Variants in DDX60 observed in about 807,000 individuals in gnomAD.
DDX60 encodes the protein probable ATP-dependent RNA helicase DDX60.
DDX60 carries 165 observed loss-of-function variants against 212.8 expected under a neutral mutation model. That is an observed-to-expected ratio of 0.78 (90% CI 0.68 to 0.88). The LOEUF is 0.88. Ranked by LOEUF, DDX60 falls within the 40% of genes least tolerant of loss-of-function variation. DDX60 has a pLI of 0.00. For missense variants in DDX60, 1,905 were observed against 2,003.9 expected (o/e 0.95, Z 0.94); for synonymous variants, 703 against 685.3 (o/e 1.03, Z -0.40).
In DDX60 at chr4:168,252,960, G is replaced by A. The variant is rs576726152; in HGVS notation, c.3558-304C>T. 1.2e-4 allele frequency among the ~76,000 whole-genome samples: 19 copies of A among 152,006 alleles called. 1 individual carries two copies. Among genetic ancestry groups the A allele is most frequent in the Admixed American group, 3.9e-4 (6 of 15,280 alleles). On this transcript the variant is annotated intron_variant, in intron 26 of 37. Coordinates refer to ENST00000393743, the MANE Select transcript of DDX60 (RefSeq NM_017631.6). Reference sequence around the variant, plus strand: ...GCTGGGATTACAGGTGTCCACCACCGCACCTGGCTAAATTTTGTATCTTCA... The same window carrying A: ...GCTGGGATTACAGGTGTCCACCACCACACCTGGCTAAATTTTGTATCTTCA...
At chr4:168,306,355 A>C in intron 5 of DDX60, 24 bp downstream of exon 5, 1 of 1,546,476 alleles carries the variant, frequency 6.5e-7, no homozygotes, top group Non-Finnish European at 8.7e-7. Flanking sequence ...TTCTAGAAGA[A>C]ATTGTCTTTT....
Position 168,252,502 on chromosome 4 carries a change from T to A in DDX60, c.3705+7A>T, listed in dbSNP as rs770400342. The A allele has an allele frequency of 6.2e-7, 1 of 1,613,288 alleles. No homozygotes were observed. On this transcript the variant is annotated splice_region_variant and intron_variant, in intron 27 of 37. Coordinates refer to ENST00000393743, the MANE Select transcript of DDX60 (RefSeq NM_017631.6). ...GTTTGGAGAACGATCAGGTTGTAAG[T>A]GCTGACCTCAGTGTCCACTGCTTTT...
chr4:168,254,152 A>G (rs775631239), intron 26 of DDX60, among the ~76,000 whole-genome samples: 10 of 152,184 alleles, frequency 6.6e-5, no homozygotes, highest in Non-Finnish European at 1.5e-4. Flanking sequence ...TACCTTGACA[A>G]ATATAGCTCC....
At chr4:168,270,748 G>A (rs916640642) in intron 19 of DDX60, among the ~76,000 whole-genome samples, 1 of 151,954 alleles carries the variant, frequency 6.6e-6, no homozygotes. Flanking sequence ...GCAAGGAAAA[G>A]GTAAGTTACA....
At chr4:168,225,706 G>A (rs201772389) in intron 33 of DDX60, 30 bp from the exon 34 acceptor site, 4 of 1,598,596 alleles carry the variant, frequency 2.5e-6, no homozygotes, top group African/African-American at 1.3e-5. Context: ...CATAGAGATA[G>A]ATCTATTTAC....
chr4:168,248,199 T>C lies in DDX60; in HGVS notation c.3952A>G (p.Asn1318Asp). 6.2e-7 allele frequency: 1 copy of C among 1,604,554 alleles called. No individual in the cohort carries two copies. Among genetic ancestry groups the C allele is most frequent in the Non-Finnish European group, 8.5e-7 (1 of 1,176,650 alleles). ...GCATTTTGCAATACCTGTCTATAAT[T>C]CAACGCATCCAGATAGACTGAGTTT... ...AQNSVYLDAL[N>D]YRQMSGRAGR... Residue 1318 changes from asparagine to aspartate, a missense_variant, in exon 29 of 38, where the codon AAT becomes GAT. Transcript: ENST00000393743.
intron 6 of DDX60, among the ~76,000 whole-genome samples, chr4:168,297,383 A>G (rs952082674): frequency 4.8e-5 from 2 of 41,836 alleles, no homozygotes; most frequent in Non-Finnish European, 8.2e-5. Context: ...AGAAAGAAAG[A>G]GAAAGAAAGA....
chr4:168,225,586 T>C lies in DDX60; in HGVS notation c.4624A>G (p.Ile1542Val), dbSNP rs1159303280. 1 of 1,611,658 alleles carries C rather than the reference T, an allele frequency of 6.2e-7. No individual in the cohort carries two copies. The highest frequency in any genetic ancestry group is 8.5e-7 in the Non-Finnish European group (1 of 1,178,844). The change falls in exon 34 of 38, where the codon ATT (isoleucine) becomes GTT (valine). Residue 1542 changes from isoleucine to valine, a missense_variant. Physicochemically the swap from Ile to Val is conservative, Grantham distance 29. Coordinates refer to ENST00000393743, the MANE Select transcript of DDX60 (RefSeq NM_017631.6). ...IMEDFTTFLR[I>V]VSKLADMNQE... ...TTCATATCAGCCAGTTTGGAAACAA[T>C]TCGTAGGAAAGTGGTAAAGTCCTCC...
chr4:168,234,528 TAC>T (rs1313765751), intron 33 of DDX60, among the ~76,000 whole-genome samples: 3 of 152,118 alleles, frequency 2.0e-5, no homozygotes, highest in Non-Finnish European at 4.4e-5. Flanking sequence ...TTTAGTTTTA[TAC>T]ATTCTAATTA....
intron 33 of DDX60, among the ~76,000 whole-genome samples, chr4:168,228,326 T>C (rs1173029475): frequency 1.3e-5 from 2 of 152,110 alleles, no homozygotes; most frequent in African/African-American, 2.4e-5. Flanking sequence ...TATTTTAAGA[T>C]ATAGCCTGAA....
chr4:168,308,186 A>T lies in DDX60; in HGVS notation c.84T>A (p.Ser28Arg), dbSNP rs956878004. The change falls in exon 4 of 38, where the codon AGT becomes AGA. Residue 28 changes from serine to arginine, a missense_variant. By Grantham distance (110) the Ser-to-Arg change is moderately radical. Coordinates refer to ENST00000393743, the MANE Select transcript of DDX60 (RefSeq NM_017631.6). ...LNEMPKAEYSSLFNDFVESEF... is the reference protein window; with the variant it reads ...LNEMPKAEYSRLFNDFVESEF... ...CAGATTCAACAAAATCATTGAATAA[A>T]CTGGAATATCTAAAATGAAAAACAG... is the stretch of plus-strand genomic sequence containing the variant. 2.6e-6 allele frequency: 4 copies of T among 1,551,356 alleles called. No individual in the cohort carries two copies. Among genetic ancestry groups the T allele is most frequent in the Non-Finnish European group, 3.5e-6 (4 of 1,138,496 alleles).
chr4:168,288,198 A>T lies in DDX60; in HGVS notation c.1159T>A (p.Tyr387Asn). The T allele has an allele frequency of 6.7e-7, 1 of 1,498,878 alleles. No individual in the cohort carries two copies. The highest frequency in any genetic ancestry group is 9.1e-7 in the Non-Finnish European group (1 of 1,101,250). The allele number at this position is 1,498,878 out of a possible 1,614,324, so 92.8% of individuals were successfully genotyped here. Residue 387 changes from tyrosine to asparagine, a missense_variant, in exon 9 of 38, where the codon TAC becomes AAC. Physicochemically the swap from Tyr to Asn is moderately radical, Grantham distance 143. Transcript: ENST00000393743. ...CCTTTTACATTTTCATTTTCATAGT[A>T]AAAAGCAATATTCTTCAACAAAAGC... is the stretch of plus-strand genomic sequence containing the variant. ...DELLLKNIAF[Y>N]YENENVKGLH...
intron 5 of DDX60, among the ~76,000 whole-genome samples, chr4:168,303,556 A>C (rs1736742727): frequency 6.6e-6 from 1 of 152,150 alleles, no homozygotes; most frequent in African/African-American, 2.4e-5. Context: ...GTGATCCCAT[A>C]AGATTATAAT....
intron 15 of DDX60, 139 bp from the exon 16 acceptor site, chr4:168,275,642 T>C (rs772709866): frequency 2.9e-5 from 21 of 730,196 alleles, no homozygotes; most frequent in Non-Finnish European, 4.3e-5. Flanking sequence ...TAAATCATTG[T>C]CTTAACTAGG....
chr4:168,289,994 T>C (rs1314489118), intron 8 of DDX60, among the ~76,000 whole-genome samples: 1 of 152,192 alleles, frequency 6.6e-6, no homozygotes, highest in Non-Finnish European at 1.5e-5. Context: ...TTTCTGCAAA[T>C]GCAAGTGCCA....
chr4:168,246,516 G>T lies in DDX60; in HGVS notation c.4066C>A (p.Pro1356Thr). The T allele has an allele frequency of 6.2e-7, 1 of 1,614,022 alleles. No homozygotes were observed. Among genetic ancestry groups the T allele is most frequent in the African/African-American group, 1.3e-5 (1 of 75,018 alleles). The change falls in exon 30 of 38, where the codon CCT becomes ACT. Residue 1356 changes from proline (P) to threonine (T), a missense_variant. Physicochemically the swap from Pro to Thr is conservative, Grantham distance 38. Coordinates refer to ENST00000393743, the MANE Select transcript of DDX60 (RefSeq NM_017631.6). ...KIGKLIKSNVPELRGHFPLSI... is the reference protein window; with the variant it reads ...KIGKLIKSNVTELRGHFPLSI... Reference sequence around the variant, plus strand: ...AGAGGGAAGTGTCCTCTCAGCTCAGGAACATTGGATTTTATGAGTTTTCCT... The same window carrying T: ...AGAGGGAAGTGTCCTCTCAGCTCAGTAACATTGGATTTTATGAGTTTTCCT...
At chr4:168,245,704 C>T (rs1733996838) in intron 30 of DDX60, among the ~76,000 whole-genome samples, 1 of 152,070 alleles carries the variant, frequency 6.6e-6, no homozygotes, top group Non-Finnish European at 1.5e-5. Context: ...ACAGAAAGAA[C>T]AGGTATCATT....
intron 11 of DDX60, 37 bp from the exon 12 acceptor site, chr4:168,284,972 C>A: frequency 9.9e-7 from 1 of 1,012,274 alleles, no homozygotes; most frequent in South Asian, 1.5e-5. Context: ...AAATTGCACA[C>A]TTCCAAATAT....
chr4:168,273,312 G>C lies in DDX60; in HGVS notation c.2541C>G (p.Thr847=), dbSNP rs1438688577. ...TTAAGGCATCATGACGATACTCCCT[G>C]GTGAAAACACCACAGAGAACTTCAC... is the stretch of plus-strand genomic sequence containing the variant. ...PSGEVLCGVF[T]REYRHDALNC... Residue 847 remains threonine (T), a synonymous_variant, in exon 18 of 38, where the codon ACC becomes ACG. Transcript: ENST00000393743. 5 of 1,613,784 alleles carry C rather than the reference G, an allele frequency of 3.1e-6. No homozygotes were observed. In the East Asian group the frequency reaches 1.1e-4, roughly 36 times the overall value.
Sources: gnomAD v4.1 joint callset for allele counts (sites outside exome capture counted in the v4.1 genomes callset) on GRCh38, gnomAD v4.1.1 for gene constraint, MANE v1.5 for transcripts, NCBI Gene and HGNC (gene_info 2026-07-23, HGNC 2026-07-21) for gene names.